PDGFRL: variants seen among roughly 807,000 people sequenced by gnomAD.
PDGFRL encodes the protein platelet derived growth factor receptor like.
In PDGFRL, 46 loss-of-function variants were observed where a neutral mutation model predicts 37.2. The observed-to-expected ratio is 1.24, with a 90% CI of 0.98 to 1.58. The LOEUF (loss-of-function observed/expected upper bound fraction) is 1.58, where lower values mean the gene tolerates loss of function less well. PDGFRL is among the 40% of genes most tolerant of loss of function. The probability of loss-of-function intolerance (pLI) is 0.00; values close to 1 mark genes in which losing one functional copy is unlikely to be tolerated. For synonymous variants in PDGFRL, 251 were observed against 184.3 expected (o/e 1.36, Z -2.93); for missense variants, 692 against 467.6 (o/e 1.48, Z -4.43).
At position 17,628,542 on chromosome 8, in the gene PDGFRL, C is replaced by G; in HGVS notation, c.561C>G (p.Asn187Lys). 2 of 1,613,906 alleles carry G rather than the reference C, an allele frequency of 1.2e-6. No individual in the cohort carries two copies. The highest frequency in any genetic ancestry group is 1.7e-6 in the Non-Finnish European group (2 of 1,179,778). Residue 187 changes from asparagine to lysine, a missense_variant, in exon 4 of 6, where the codon AAC (asparagine) becomes AAG (lysine). Coordinates refer to ENST00000251630, the MANE Select transcript of PDGFRL (RefSeq NM_001372073.1). ...GCTACTTCGATGTTGTCTACTTGAA[C>G]CCGGACAGACAGGCTGTGGTTCCTT... ...SPSYFDVVYL[N>K]PDRQAVVPCR...
intron 5 of PDGFRL, among the ~76,000 whole-genome samples, chr8:17,635,610 T>C (rs749083809): frequency 6.6e-6 from 1 of 152,186 alleles, no homozygotes; most frequent in Non-Finnish European, 1.5e-5. Flanking sequence ...CTTTTTCATA[T>C]TATGACTTCT....
chr8:17,592,642 T>C (rs1171924042), intron 2 of PDGFRL, among the ~76,000 whole-genome samples: 1 of 152,182 alleles, frequency 6.6e-6, no homozygotes, highest in Non-Finnish European at 1.5e-5. Context: ...TGCTCTTTCA[T>C]AGCCAGGAAC....
At chr8:17,577,385 GC>G in intron 1 of PDGFRL, 78 bp downstream of exon 1, 1 of 1,245,852 alleles carries the variant, frequency 8.0e-7, no homozygotes, top group Non-Finnish European at 1.2e-6. Flanking sequence ...CCGCCCTCCT[GC>G]CAGCTCTTGG....
intron 2 of PDGFRL, among the ~76,000 whole-genome samples, chr8:17,590,887 A>ATTTTT (rs1563507374): frequency 1.0e-4 from 4 of 39,666 alleles, no homozygotes; most frequent in Non-Finnish European, 2.6e-4. Context: ...TATTATTATT[A>ATTTTT]ATTTTTTTTT....
At chr8:17,591,118 A>G (rs6995328) in intron 2 of PDGFRL, among the ~76,000 whole-genome samples, 86,460 of 151,832 alleles carry the variant, frequency 0.57, 27,055 homozygotes, top group East Asian at 0.77. Flanking sequence ...TCCTGACCTC[A>G]TGATCCGCCT....
chr8:17,634,730 A>G (rs1268389334), intron 5 of PDGFRL, among the ~76,000 whole-genome samples: 1 of 152,154 alleles, frequency 6.6e-6, no homozygotes, highest in African/African-American at 2.4e-5. Flanking sequence ...AGAAAACCAA[A>G]TACCTCATGT....
chr8:17,636,070 G>A (rs1297147214), intron 5 of PDGFRL, among the ~76,000 whole-genome samples: 1 of 152,154 alleles, frequency 6.6e-6, no homozygotes, highest in Non-Finnish European at 1.5e-5. Context: ...TGTGGGTTGT[G>A]TGTTTATTCT....
chr8:17,582,298 G>T (rs2517276), intron 1 of PDGFRL, among the ~76,000 whole-genome samples: 83,536 of 151,948 alleles, frequency 0.55, 24,299 homozygotes, highest in Non-Finnish European at 0.64. Flanking sequence ...GGGTTTAAAA[G>T]CTTAGGATCA....
At chr8:17,632,947 T>C (rs1369603903) in intron 4 of PDGFRL, among the ~76,000 whole-genome samples, 1 of 152,210 alleles carries the variant, frequency 6.6e-6, no homozygotes, top group African/African-American at 2.4e-5. Context: ...GCTCTCAGAC[T>C]GTTCTATTCT....
chr8:17,627,001 G>A (rs1314516259), intron 3 of PDGFRL, among the ~76,000 whole-genome samples: 2 of 152,182 alleles, frequency 1.3e-5, no homozygotes, highest in East Asian at 1.9e-4. Context: ...CCTTCAAGCC[G>A]ACGCCATTCC....
intron 2 of PDGFRL, among the ~76,000 whole-genome samples, chr8:17,605,083 C>T (rs1049548093): frequency 6.6e-6 from 1 of 152,062 alleles, no homozygotes; most frequent in Non-Finnish European, 1.5e-5. Context: ...TGCCACTGCG[C>T]TCCAGCTTGG....
At chr8:17,581,014 C>T (rs145861917) in intron 1 of PDGFRL, among the ~76,000 whole-genome samples, 5,499 of 152,154 alleles carry the variant, frequency 0.036, 146 homozygotes, top group Middle Eastern at 0.071. Flanking sequence ...GGAGAGCCTA[C>T]CCTAATGACC....
chr8:17,587,168 C>T (rs1803835904), intron 1 of PDGFRL, among the ~76,000 whole-genome samples: 1 of 152,170 alleles, frequency 6.6e-6, no homozygotes, highest in Admixed American at 6.5e-5. Context: ...CAGGCCAATT[C>T]TGTGGTCAGG....
At chr8:17,595,077 A>C (rs917872513) in intron 2 of PDGFRL, among the ~76,000 whole-genome samples, 4 of 152,058 alleles carry the variant, frequency 2.6e-5, no homozygotes, top group African/African-American at 9.7e-5. Context: ...AAGCCGGGTC[A>C]GGAGCAGTGA....
chr8:17,598,774 G>T (rs1017501099), intron 2 of PDGFRL, among the ~76,000 whole-genome samples: 28 of 152,074 alleles, frequency 1.8e-4, no homozygotes, highest in African/African-American at 6.8e-4. Flanking sequence ...GGAGATAATT[G>T]AATCATAAGG....
At chr8:17,625,338 G>C (rs188084062) in intron 3 of PDGFRL, among the ~76,000 whole-genome samples, 1 of 152,172 alleles carries the variant, frequency 6.6e-6, no homozygotes, top group South Asian at 2.1e-4. Context: ...TTTTAGCAGA[G>C]ATGGGGTTTC....
intron 2 of PDGFRL, among the ~76,000 whole-genome samples, chr8:17,610,594 T>G (rs1450940091): frequency 6.6e-6 from 1 of 152,032 alleles, no homozygotes; most frequent in Non-Finnish European, 1.5e-5. Flanking sequence ...GGTCACAAAG[T>G]TTGAAAGATG....
chr8:17,584,242 G>T (rs1472591134), intron 1 of PDGFRL, among the ~76,000 whole-genome samples: 1 of 152,180 alleles, frequency 6.6e-6, no homozygotes, highest in Non-Finnish European at 1.5e-5. Context: ...GATAAAGGGA[G>T]CATCAGGAAG....
chr8:17,632,277 G>A (rs1804878096), intron 4 of PDGFRL, among the ~76,000 whole-genome samples: 1 of 151,932 alleles, frequency 6.6e-6, no homozygotes, highest in Non-Finnish European at 1.5e-5. Context: ...AGACTTATGT[G>A]AATACCTTCT....
Sources: gnomAD v4.1 joint callset for allele counts (sites outside exome capture counted in the v4.1 genomes callset) on GRCh38, gnomAD v4.1.1 for gene constraint, MANE v1.5 for transcripts, NCBI Gene and HGNC (gene_info 2026-07-23, HGNC 2026-07-21) for gene names.